The following XYLB variants were observed in gnomAD, a reference collection of about 807,000 sequenced individuals.
The protein encoded by XYLB is xylulose kinase.
A neutral mutation model predicts 78.7 loss-of-function variants in XYLB; 62 were observed. The ratio of observed to expected loss-of-function variants is 0.79; its 90% CI spans 0.64 to 0.97. The LOEUF is 0.97. Among genes scored for constraint, XYLB ranks in the 50% least tolerant of loss-of-function variants. The pLI is 0.00. For synonymous variants in XYLB, 245 were observed against 247.4 expected (o/e 0.99, Z 0.09); for missense variants, 687 against 676.8 (o/e 1.02, Z -0.17).
intron 3 of XYLB, 93 bp from the exon 4 acceptor site, chr3:38,362,844 T>C (rs1706046671): frequency 1.9e-6 from 2 of 1,073,458 alleles, no homozygotes; most frequent in South Asian, 5.0e-5. Context: ...AGTACTCTGC[T>C]GTAATGGCAG....
downstream of XYLB, among the ~76,000 whole-genome samples, chr3:38,418,037 CAA>C: frequency 6.7e-6 from 1 of 150,122 alleles, no homozygotes; most frequent in South Asian, 2.1e-4. Context: ...ACTAATAATA[CAA>C]AAAAAATTAG....
the XYLB span, among the ~76,000 whole-genome samples, chr3:38,435,443 A>G: frequency 3.3e-5 from 5 of 152,218 alleles, no homozygotes; most frequent in Admixed American, 2.6e-4. Context: ...ATATTCATAA[A>G]GCAAATATTA....
At chr3:38,358,375 C>T (rs1262052516) in intron 2 of XYLB, among the ~76,000 whole-genome samples, 1 of 122,542 alleles carries the variant, frequency 8.2e-6, no homozygotes, top group Admixed American at 9.2e-5. Flanking sequence ...CAGAGCCTTG[C>T]TCTGTTGCAC....
intron 16 of XYLB, 28 bp downstream of exon 16, chr3:38,395,591 A>G (rs374878043): frequency 1.8e-5 from 29 of 1,608,500 alleles, no homozygotes; most frequent in Non-Finnish European, 2.4e-5. Context: ...GCCTTACACC[A>G]TGGCCTCTCC....
chr3:38,429,663 C>T, the XYLB span, among the ~76,000 whole-genome samples: 1 of 152,140 alleles, frequency 6.6e-6, no homozygotes, highest in Non-Finnish European at 1.5e-5. Context: ...CCCATTAACT[C>T]GTCATTTACA....
At chr3:38,435,032 G>A in the XYLB span, among the ~76,000 whole-genome samples, 1 of 152,104 alleles carries the variant, frequency 6.6e-6, no homozygotes, top group South Asian at 2.1e-4. Flanking sequence ...AGCTACTTGG[G>A]TGGCTGAGGC....
At chr3:38,348,667 G>A (rs780372152) in intron 2 of XYLB, 35 bp downstream of exon 2, 36 of 1,607,612 alleles carry the variant, frequency 2.2e-5, no homozygotes, top group Non-Finnish European at 3.0e-5. Flanking sequence ...TGTGATGGGG[G>A]TGTTGGTTTT....
chr3:38,357,819 T>C (rs930319226), intron 2 of XYLB, among the ~76,000 whole-genome samples: 5 of 152,216 alleles, frequency 3.3e-5, no homozygotes, highest in African/African-American at 1.2e-4. Context: ...TTGCCATTTG[T>C]GTATCTTCTT....
At chr3:38,359,379 C>T (rs549243075) in intron 2 of XYLB, among the ~76,000 whole-genome samples, 32 of 152,318 alleles carry the variant, frequency 2.1e-4, no homozygotes, top group African/African-American at 7.2e-4. Context: ...TCATAGCCAT[C>T]GGGAACATGT....
chr3:38,358,309 TTGTGTGTGTGTG>T (rs780269094), intron 2 of XYLB, among the ~76,000 whole-genome samples: 4 of 54,918 alleles, frequency 7.3e-5, no homozygotes, highest in Non-Finnish European at 1.1e-4. Flanking sequence ...CAGTTTTGTT[TTGTGTGTGTGTG>T]TGTGTGTGTG....
chr3:38,383,751 C>T (rs1357117784), intron 15 of XYLB, among the ~76,000 whole-genome samples: 2 of 152,110 alleles, frequency 1.3e-5, no homozygotes, highest in Non-Finnish European at 2.9e-5. Flanking sequence ...TGTGATTGCA[C>T]CACTTCACTC....
rs772557415 is a variant in XYLB at position 38,370,146 on chromosome 3, G to C, written c.737G>C (p.Ser246Thr). ...GCACCTCATTTAGAGGAGAAGCTTA[G>C]CCCACCAGTACCATCATGCTCAGTT... is the stretch of plus-strand genomic sequence containing the variant. ...ACAPHLEEKL[S>T]PPVPSCSVVG... The change falls in exon 9 of 19, where the codon AGC becomes ACC. Residue 246 changes from serine (S) to threonine (T), a missense_variant. Ser to Thr is a moderately conservative substitution (Grantham distance 58). Transcript: ENST00000207870. 6.2e-6 allele frequency: 10 copies of C among 1,613,860 alleles called. No individual in the cohort carries two copies. The Admixed American group carries it at 1.7e-4, about 27-fold the overall frequency.
chr3:38,423,000 A>G (rs895447028), downstream of XYLB, among the ~76,000 whole-genome samples: 1 of 152,190 alleles, frequency 6.6e-6, no homozygotes, highest in Non-Finnish European at 1.5e-5. Context: ...TAGAGGTCTT[A>G]GTTACTGAAC....
intron 3 of XYLB, among the ~76,000 whole-genome samples, chr3:38,361,681 G>A (rs544658529): frequency 5.9e-5 from 9 of 152,260 alleles, no homozygotes; most frequent in Non-Finnish European, 1.3e-4. Context: ...AACCAGGCTT[G>A]GGGGCAGGGC....
chr3:38,359,073 T>A (rs1346861305), intron 2 of XYLB, among the ~76,000 whole-genome samples: 1 of 152,264 alleles, frequency 6.6e-6, no homozygotes, highest in African/African-American at 2.4e-5. Context: ...CCTTTAGAGC[T>A]GAGAGCCACA....
At chr3:38,408,358 C>T (rs1477288606) in intron 18 of XYLB, among the ~76,000 whole-genome samples, 1 of 151,558 alleles carries the variant, frequency 6.6e-6, no homozygotes, top group Non-Finnish European at 1.5e-5. Context: ...CACAACATAC[C>T]AGAATCTCTG....
chr3:38,409,455 C>T (rs531485116), intron 18 of XYLB, among the ~76,000 whole-genome samples: 2 of 152,306 alleles, frequency 1.3e-5, no homozygotes, highest in African/African-American at 2.4e-5. Flanking sequence ...AAACTAGAAG[C>T]ATTCCCCTTG....
intron 8 of XYLB, 75 bp from the exon 9 acceptor site, chr3:38,369,981 C>T: frequency 8.0e-7 from 1 of 1,254,574 alleles, no homozygotes; most frequent in Non-Finnish European, 1.2e-6. Context: ...ATTATCTGCT[C>T]TGTGCCAGAT....
chr3:38,387,307 A>C (rs142920242), intron 15 of XYLB, among the ~76,000 whole-genome samples: 388 of 146,090 alleles, frequency 2.7e-3, no homozygotes, highest in Non-Finnish European at 4.5e-3. Flanking sequence ...TTGATTTTCT[A>C]TTCTTTTTTT....
Sources: allele counts gnomAD v4.1 joint callset (sites outside exome capture counted in the v4.1 genomes callset), GRCh38; gene constraint gnomAD v4.1.1; transcripts MANE v1.5; gene names NCBI Gene and HGNC (gene_info 2026-07-23, HGNC 2026-07-21).